The following KIF11 variants were observed in gnomAD, a reference collection of about 807,000 sequenced individuals.
The protein encoded by KIF11 is kinesin-like protein KIF11.
A neutral mutation model predicts 121.0 loss-of-function variants in KIF11; 9 were observed. That is an observed-to-expected ratio of 0.07 (90% CI 0.04 to 0.13). KIF11 has a LOEUF of 0.13. Ranked by LOEUF, KIF11 falls within the 10% of genes least tolerant of loss-of-function variation. KIF11 has a pLI of 1.00. For synonymous variants in KIF11, 408 were observed against 421.0 expected (o/e 0.97, Z 0.38); for missense variants, 846 against 1,217.5 (o/e 0.69, Z 4.54).
chr10:92,599,314 C>T (rs1844339200), intron 1 of KIF11, among the ~76,000 whole-genome samples: 2 of 151,618 alleles, frequency 1.3e-5, no homozygotes, highest in Non-Finnish European at 2.9e-5. Flanking sequence ...ATCACGAGAT[C>T]AGGAGTTCAA....
At chr10:92,647,249 T>C (rs1844929742) in intron 18 of KIF11, among the ~76,000 whole-genome samples, 2 of 152,268 alleles carry the variant, frequency 1.3e-5, no homozygotes, top group African/African-American at 4.8e-5. Context: ...ACCTCATGTC[T>C]TCAGCAACAA....
intron 17 of KIF11, among the ~76,000 whole-genome samples, chr10:92,642,611 G>A (rs1045234477): frequency 1.3e-5 from 2 of 152,012 alleles, no homozygotes; most frequent in African/African-American, 2.4e-5. Flanking sequence ...TTTTTGCCTC[G>A]TGTATCTGAA....
intron 1 of KIF11, among the ~76,000 whole-genome samples, chr10:92,597,703 G>C (rs1589585334): frequency 2.0e-5 from 3 of 152,046 alleles, no homozygotes; most frequent in Admixed American, 2.0e-4. Flanking sequence ...CTAGGCTGGA[G>C]TGCATTGGTA....
At chr10:92,603,437 T>G (rs1240250676) in intron 1 of KIF11, among the ~76,000 whole-genome samples, 5 of 151,512 alleles carry the variant, frequency 3.3e-5, no homozygotes, top group Admixed American at 3.3e-4. Context: ...AGTCTCACTC[T>G]TTCACCCAGG....
Position 92,637,367 on chromosome 10 carries a change from T to C in KIF11, c.2002-20T>C. The stretch of plus-strand genomic sequence containing the variant: ...TTGATGTGTTGTTTAAGAAGGAAAC[T>C]CATTTTTGTTTCTTCAAAGATAGAA... On this transcript the variant is annotated intron_variant, in intron 15 of 21. Transcript: ENST00000260731. 6 of 1,578,290 alleles carry C rather than the reference T, an allele frequency of 3.8e-6. No individual in the cohort carries two copies. Among genetic ancestry groups the C allele is most frequent in the Non-Finnish European group, 5.1e-6 (6 of 1,171,532 alleles).
Position 92,613,614 on chromosome 10 carries a change from C to T in KIF11, c.1027C>T (p.Leu343Phe). 6.2e-7 allele frequency: 1 copy of T among 1,611,054 alleles called. No individual in the cohort carries two copies. The highest frequency in any genetic ancestry group is 8.5e-7 in the Non-Finnish European group (1 of 1,178,514). ...IATISPASLN[L>F]EETLSTLEYA... is the part of the protein sequence containing the mutation. ...AACAATTTCTCCTGCATCTCTCAATCTTGAGGTAAGCCCTTTGAAAGGAAG... is the reference window on the plus strand; with the variant it reads ...AACAATTTCTCCTGCATCTCTCAATTTTGAGGTAAGCCCTTTGAAAGGAAG... The change falls in exon 8 of 22, where the codon CTT becomes TTT. Residue 343 changes from leucine to phenylalanine, a missense_variant. By Grantham distance (22) the Leu-to-Phe change is conservative (BLOSUM62 0). This residue lies in a region of KIF11 where 116 missense variants were observed against 285.3 expected (regional missense o/e 0.41). Transcript: ENST00000260731. This position sits in a 1 kb window ranked among gnomAD's most constrained non-coding sequence, Gnocchi z 4.2.
chr10:92,602,831 T>TACACACACAC (rs777763361), intron 1 of KIF11, among the ~76,000 whole-genome samples: 4 of 108,020 alleles, frequency 3.7e-5, no homozygotes, highest in Non-Finnish European at 6.9e-5. Context: ...CACACGTGTG[T>TACACACACAC]GTGTGTGTGT....
At chr10:92,626,046 A>G (rs142789522) in intron 10 of KIF11, among the ~76,000 whole-genome samples, 5 of 152,324 alleles carry the variant, frequency 3.3e-5, no homozygotes, top group African/African-American at 4.8e-5. Context: ...CAAACTACCA[A>G]TGACATTCTT....
Position 92,609,036 on chromosome 10 carries a change from TA to T in KIF11, c.406del (p.Ile136PhefsTer59). The T allele has an allele frequency of 6.4e-7, 1 of 1,565,300 alleles. No individual in the cohort carries two copies. The highest frequency in any genetic ancestry group is 8.6e-7 in the Non-Finnish European group (1 of 1,157,914). The part of the protein sequence containing the change: ...YTWEEDPLAG[I>X]IPRTLHQIFE... Reference sequence around the variant, plus strand: ...TAATTTCAGGATCCCTTGGCTGGTATAATTCCACGTACCCTTCATCAAATTT... The same window carrying T: ...TAATTTCAGGATCCCTTGGCTGGTATATTCCACGTACCCTTCATCAAATTT... On this transcript the variant is annotated frameshift_variant, in exon 5 of 22. Transcript: ENST00000260731. LOFTEE classifies it high-confidence loss of function.
rs1286534866 is a variant in KIF11 at position 92,609,287 on chromosome 10, AGAGAGAGAGAGAGAGAGTGT to A, written c.573+84_574-77del. 86 of 1,347,810 alleles carry A rather than the reference AGAGAGAGAGAGAGAGAGTGT, an allele frequency of 6.4e-5. No individual in the cohort carries two copies. In the African/African-American group the frequency reaches 9.4e-4, roughly 15 times the overall value. 83.5% of individuals were successfully genotyped at this position (1,347,810 alleles called of 1,614,324 possible). A position where few individuals can be genotyped will look rare whatever the true frequency, so the allele number is the denominator to read the frequency against. On this transcript the variant is annotated intron_variant, in intron 5 of 21. Coordinates refer to ENST00000260731, the MANE Select transcript of KIF11 (RefSeq NM_004523.4). ...AAGTCAGAGAGAGAGAGAGAGAGAG[AGAGAGAGAGAGAGAGAGTGT>A]GTGTGTGTGTGTGTGTGTGTGTGTG... is the stretch of plus-strand genomic sequence containing the variant.
rs534200235 is a variant in KIF11, at chr10:92,648,499, A to G, written c.2770+65A>G. 9 of 1,013,390 alleles carry G rather than the reference A, an allele frequency of 8.9e-6. 1 individual carries two copies. In the South Asian group the frequency reaches 1.6e-4, roughly 18 times the overall value. The allele number at this position is 1,013,390 out of a possible 1,614,324, so 62.8% of individuals were successfully genotyped here. On this transcript the variant is annotated intron_variant, in intron 19 of 21. Transcript: ENST00000260731. ...GTCGAATTCAACTCTATGTAGTGTC[A>G]GATGTTCAGAAAAATTAGGTCCTGC...
intron 13 of KIF11, 79 bp from the exon 14 acceptor site, chr10:92,633,544 C>T (rs2135916784): frequency 9.6e-7 from 1 of 1,039,002 alleles, no homozygotes; most frequent in Non-Finnish European, 1.4e-6. Context: ...ATACTTTTGT[C>T]AACTTCTTTG....
At chr10:92,649,814 C>G (rs374236555) in intron 19 of KIF11, 21 bp from the exon 20 acceptor site, 70 of 1,540,780 alleles carry the variant, frequency 4.5e-5, no homozygotes, top group Non-Finnish European at 6.0e-5. Flanking sequence ...ATTTTTACCT[C>G]TTATCTAATG....
At chr10:92,626,243 TAGAG>T (rs1437352625) in intron 10 of KIF11, among the ~76,000 whole-genome samples, 1 of 152,068 alleles carries the variant, frequency 6.6e-6, no homozygotes, top group Admixed American at 6.6e-5. Flanking sequence ...TGGAACCGAA[TAGAG>T]AGCCCAGAAA....
intron 17 of KIF11, among the ~76,000 whole-genome samples, chr10:92,643,234 C>T (rs1324592588): frequency 3.3e-5 from 5 of 152,130 alleles, no homozygotes; most frequent in Non-Finnish European, 7.4e-5. Context: ...TTAAATTGAG[C>T]ACTTTTTATG....
Position 92,653,683 on chromosome 10 carries a change from A to G in KIF11, c.3058A>G (p.Lys1020Glu). 1.2e-6 allele frequency: 2 copies of G among 1,611,962 alleles called. No homozygotes were observed. The highest frequency in any genetic ancestry group is 1.7e-6 in the Non-Finnish European group (2 of 1,179,184). ...PFFQHKKSHGKDKENRGINTL... is the reference protein window; with the variant it reads ...PFFQHKKSHGEDKENRGINTL... The stretch of plus-strand genomic sequence containing the variant: ...TCCACAGCATAAAAAATCACATGGA[A>G]AAGACAAAGAAAACAGAGGCATTAA... Residue 1020 changes from lysine to glutamate, a missense_variant, in exon 22 of 22, where the codon AAA (lysine) becomes GAA (glutamate). Transcript: ENST00000260731.
intron 1 of KIF11, among the ~76,000 whole-genome samples, chr10:92,601,400 G>A (rs571098706): frequency 2.0e-5 from 3 of 151,016 alleles, no homozygotes; most frequent in East Asian, 2.0e-4. Context: ...TAGTAGAGAC[G>A]GGGTTTCGCC....
chr10:92,616,255 A>G (rs1262515226), intron 8 of KIF11, among the ~76,000 whole-genome samples: 3 of 149,996 alleles, frequency 2.0e-5, no homozygotes, highest in African/African-American at 7.4e-5. Context: ...TGTTGGCTGG[A>G]GTGCAGTGGC....
At chr10:92,601,708 ATTT>A in intron 1 of KIF11, among the ~76,000 whole-genome samples, 1 of 141,984 alleles carries the variant, frequency 7.0e-6, no homozygotes, top group African/African-American at 2.6e-5. Context: ...TAAAAAAATA[ATTT>A]TTTTTTTTTT....
Sources: allele counts gnomAD v4.1 joint callset (sites outside exome capture counted in the v4.1 genomes callset), GRCh38; gene constraint gnomAD v4.1.1; regional missense constraint gnomAD v4.1.1; non-coding constraint Gnocchi (gnomAD v3.1); transcripts MANE v1.5; gene names NCBI Gene and HGNC (gene_info 2026-07-23, HGNC 2026-07-21).